Variants in PPP1R12B observed in about 807,000 individuals in gnomAD.
PPP1R12B encodes the protein myosin phosphatase target subunit 2.
PPP1R12B carries 76 observed loss-of-function variants against 126.1 expected under a neutral mutation model. The ratio of observed to expected loss-of-function variants is 0.60; its 90% CI spans 0.50 to 0.73. PPP1R12B has a LOEUF of 0.73. Among genes scored for constraint, PPP1R12B ranks in the 30% least tolerant of loss-of-function variants. PPP1R12B has a pLI of 0.00. For synonymous variants in PPP1R12B, 356 were observed against 434.7 expected, an observed-to-expected ratio of 0.82 and a Z score of 2.25; for missense variants, 1,052 against 1,205.1, an observed-to-expected ratio of 0.87 and a Z score of 1.88.
chr1:202,577,765 A>AT (rs780009058), intron 23 of PPP1R12B, among the ~76,000 whole-genome samples: 35 of 152,212 alleles, frequency 2.3e-4, no homozygotes, highest in Non-Finnish European at 4.3e-4. Context: ...AAGCTTTAGG[A>AT]CCCCTGTAGC....
chr1:202,406,549 A>C (rs1292569259), intron 1 of PPP1R12B, among the ~76,000 whole-genome samples: 2 of 152,204 alleles, frequency 1.3e-5, no homozygotes, highest in Non-Finnish European at 2.9e-5. Flanking sequence ...TCTATTTCGG[A>C]CACCTCTAAA....
rs560590763 is a variant in PPP1R12B, at chr1:202,445,281, A to C, written c.1667+2709A>C. 14 of 1,196,234 alleles carry C rather than the reference A, an allele frequency of 1.2e-5. No homozygotes were observed. In the South Asian group the frequency reaches 5.6e-4, roughly 48 times the overall value. The allele number at this position is 1,196,234 out of a possible 1,614,324, so 74.1% of individuals were successfully genotyped here. On this transcript the variant is annotated intron_variant, in intron 12 of 23. Transcript: ENST00000608999. Reference sequence around the variant, plus strand: ...GCATTCATCAAAGTTAATGGCTCTGAAAACACATATGAAATTTGAACCAAA... The same window carrying C: ...GCATTCATCAAAGTTAATGGCTCTGCAAACACATATGAAATTTGAACCAAA...
intron 18 of PPP1R12B, among the ~76,000 whole-genome samples, chr1:202,534,544 G>A (rs1684325777): frequency 6.7e-6 from 1 of 149,566 alleles, no homozygotes; most frequent in South Asian, 2.1e-4. Context: ...TACCAACATG[G>A]GGTTCTTTCT....
chr1:202,534,684 C>T (rs534006301), intron 18 of PPP1R12B, among the ~76,000 whole-genome samples: 1 of 151,738 alleles, frequency 6.6e-6, no homozygotes, highest in Admixed American at 6.6e-5. Flanking sequence ...CCTAACTAGA[C>T]CGAAGTAGAC....
At chr1:202,532,160 CA>C (rs1256236816) in intron 18 of PPP1R12B, among the ~76,000 whole-genome samples, 1 of 152,204 alleles carries the variant, frequency 6.6e-6, no homozygotes, top group Non-Finnish European at 1.5e-5. Context: ...GTTGCCATGA[CA>C]TTTGTAAACT....
chr1:202,468,306 A>G (rs1040366351), intron 13 of PPP1R12B, among the ~76,000 whole-genome samples: 17 of 152,158 alleles, frequency 1.1e-4, no homozygotes, highest in Admixed American at 5.9e-4. Context: ...GCCCATGCCT[A>G]TGTCCTGAAT....
chr1:202,580,481 C>A lies in PPP1R12B; in HGVS notation c.2870C>A (p.Thr957Lys). ...SEMEEEMKVL[T>K]ELKSDNQRLK... is the part of the protein sequence containing the mutation. Reference sequence around the variant, plus strand: ...CCCTCTGTCACCCTACAGGTGTTAACAGAACTGAAATCCGACAACCAGAGG... The same window carrying A: ...CCCTCTGTCACCCTACAGGTGTTAAAAGAACTGAAATCCGACAACCAGAGG... Residue 957 changes from threonine to lysine, a missense_variant, in exon 24 of 24, where the codon ACA becomes AAA. Thr to Lys is a moderately conservative substitution (Grantham distance 78). Coordinates refer to ENST00000608999, the MANE Select transcript of PPP1R12B (RefSeq NM_002481.4). 1 of 1,613,504 alleles carries A rather than the reference C, an allele frequency of 6.2e-7. No individual in the cohort carries two copies. Among genetic ancestry groups the A allele is most frequent in the Non-Finnish European group, 8.5e-7 (1 of 1,179,454 alleles).
intron 1 of PPP1R12B, among the ~76,000 whole-genome samples, chr1:202,354,822 TTTTGTTGTTG>T (rs1656741616): frequency 7.9e-6 from 1 of 126,874 alleles, no homozygotes; most frequent in Admixed American, 7.8e-5. Context: ...TAATTGTTTT[TTTTGTTGTTG>T]TTTTTTTTTT....
chr1:202,354,782 G>A (rs954789992), intron 1 of PPP1R12B, among the ~76,000 whole-genome samples: 1 of 151,106 alleles, frequency 6.6e-6, no homozygotes, highest in African/African-American at 2.4e-5. Context: ...TGAGTAGCTG[G>A]GATTACAGGG....
intron 18 of PPP1R12B, among the ~76,000 whole-genome samples, chr1:202,541,704 C>T (rs1685145933): frequency 6.6e-6 from 1 of 152,212 alleles, no homozygotes. Flanking sequence ...GAGCAGTCAA[C>T]AATAACCTGT....
chr1:202,489,186 A>G (rs1383303976), intron 14 of PPP1R12B, among the ~76,000 whole-genome samples: 8 of 152,348 alleles, frequency 5.3e-5, no homozygotes, highest in African/African-American at 1.9e-4. Context: ...ATATTCCTCC[A>G]GGCTTAGAAC....
chr1:202,569,197 G>C lies in PPP1R12B; in HGVS notation c.2862G>C (p.Lys954Asn). 1 of 1,612,760 alleles carries C rather than the reference G, an allele frequency of 6.2e-7. No individual in the cohort carries two copies. The highest frequency in any genetic ancestry group is 8.5e-7 in the Non-Finnish European group (1 of 1,178,886). The change falls in exon 23 of 24, where the codon AAG (lysine) becomes AAC (asparagine). Residue 954 changes from lysine (K) to asparagine (N), a missense_variant and splice_region_variant. Lys to Asn is a moderately conservative substitution (Grantham distance 94). Transcript: ENST00000608999. ...RKMSEMEEEM[K>N]VLTELKSDNQ... Reference sequence around the variant, plus strand: ...TGTCAGAAATGGAGGAAGAAATGAAGGTATGAAGAGATTTTCTTTCTTTTT... The same window carrying C: ...TGTCAGAAATGGAGGAAGAAATGAACGTATGAAGAGATTTTCTTTCTTTTT...
At chr1:202,529,444 G>A (rs565966780) in intron 18 of PPP1R12B, among the ~76,000 whole-genome samples, 10 of 152,064 alleles carry the variant, frequency 6.6e-5, no homozygotes, top group Non-Finnish European at 1.5e-4. Context: ...ATTTCTAGAT[G>A]AATCATACAT....
intron 2 of PPP1R12B, among the ~76,000 whole-genome samples, 197 bp from the exon 3 acceptor site, chr1:202,422,423 T>C (rs1668922972): frequency 6.6e-6 from 1 of 152,212 alleles, no homozygotes; most frequent in Non-Finnish European, 1.5e-5. Flanking sequence ...TTGGCATTGC[T>C]CTAGTCAGGA....
At position 202,429,006 on chromosome 1, in the gene PPP1R12B, A is replaced by C. The variant is rs183763269; in HGVS notation, c.921+77A>C. 1,203 of 1,269,982 alleles carry C rather than the reference A, an allele frequency of 9.5e-4. 9 individuals are homozygous for C. In the African/African-American group the frequency reaches 0.017, roughly 17 times the overall value. 78.7% of individuals were successfully genotyped at this position (1,269,982 alleles called of 1,614,324 possible). On this transcript the variant is annotated intron_variant, in intron 6 of 23. Coordinates refer to ENST00000608999, the MANE Select transcript of PPP1R12B (RefSeq NM_002481.4). ...ACCAAGTATCTCAATCACTTGTTTC[A>C]GTTGTGTCTGCTGAGAGTTGAAATG...
chr1:202,555,325 G>GGA (rs1686781435), intron 18 of PPP1R12B, among the ~76,000 whole-genome samples: 2 of 25,340 alleles, frequency 7.9e-5, no homozygotes, highest in African/African-American at 3.2e-4. Context: ...CTGTTTTAAT[G>GGA]AAAAAAAAAA....
At chr1:202,436,486 A>C (rs2148675804) in intron 9 of PPP1R12B, among the ~76,000 whole-genome samples, 1 of 152,178 alleles carries the variant, frequency 6.6e-6, no homozygotes, top group East Asian at 1.9e-4. Context: ...TAATATTTTT[A>C]TTTATTTTCG....
At chr1:202,514,891 C>T (rs1681931806) in intron 18 of PPP1R12B, among the ~76,000 whole-genome samples, 1 of 152,140 alleles carries the variant, frequency 6.6e-6, no homozygotes. Context: ...TAGAGTCAAC[C>T]TAAATGCCCA....
chr1:202,515,705 C>T (rs2148903785), intron 18 of PPP1R12B, among the ~76,000 whole-genome samples: 1 of 152,218 alleles, frequency 6.6e-6, no homozygotes, highest in African/African-American at 2.4e-5. Flanking sequence ...AGATGTGTGC[C>T]ACCATGCCCA....
Sources: allele counts gnomAD v4.1 joint callset (sites outside exome capture counted in the v4.1 genomes callset), GRCh38; gene constraint gnomAD v4.1.1; transcripts MANE v1.5; gene names NCBI Gene and HGNC (gene_info 2026-07-23, HGNC 2026-07-21).